The following STX12 variants were observed in gnomAD, a reference collection of about 807,000 sequenced individuals.
STX12 encodes the protein syntaxin-12.
A neutral mutation model predicts 42.2 loss-of-function variants in STX12; 17 were observed. That is an observed-to-expected ratio of 0.40 (90% CI 0.28 to 0.60). STX12 has a LOEUF of 0.60. STX12 is among the 20% of genes least tolerant of loss of function. The probability of loss-of-function intolerance (pLI) is 0.39; values close to 1 mark genes in which losing one functional copy is unlikely to be tolerated. For synonymous variants in STX12, 108 were observed against 116.7 expected (o/e 0.93, Z 0.48); for missense variants, 297 against 330.9 (o/e 0.90, Z 0.79).
chr1:27,774,616 C>T (rs2088616401), intron 1 of STX12, among the ~76,000 whole-genome samples: 1 of 152,178 alleles, frequency 6.6e-6, no homozygotes, highest in South Asian at 2.1e-4. Flanking sequence ...ACTTTAGCCT[C>T]CCAAAGTGCT....
Position 27,793,584 on chromosome 1 carries a change from G to A in STX12, c.240G>A (p.Leu80=). The A allele has an allele frequency of 6.2e-7, 1 of 1,614,092 alleles. No individual in the cohort carries two copies. Among genetic ancestry groups the A allele is most frequent in the Non-Finnish European group, 8.5e-7 (1 of 1,179,998 alleles). The change falls in exon 3 of 9, where the codon TTG becomes TTA. Residue 80 remains leucine (L), a synonymous_variant. Transcript: ENST00000373943. The stretch of plus-strand genomic sequence containing the variant: ...AGCTCGCCAAGGAAACAAATGAATT[G>A]CTGAAAGAATTAGGGTCCTTGCCCC... ...TNQLAKETNE[L]LKELGSLPLP...
At chr1:27,804,812 A>G (rs2088852025) in intron 4 of STX12, among the ~76,000 whole-genome samples, 1 of 147,286 alleles carries the variant, frequency 6.8e-6, no homozygotes, top group South Asian at 2.1e-4. Flanking sequence ...CTCCATCTCA[A>G]AAAAAAAAAA....
chr1:27,786,921 T>C (rs2088702770), intron 1 of STX12, among the ~76,000 whole-genome samples: 1 of 152,190 alleles, frequency 6.6e-6, no homozygotes, highest in Non-Finnish European at 1.5e-5. Context: ...ATACCACATG[T>C]TAGTGATGAA....
At chr1:27,774,210 T>C (rs2235191) in intron 1 of STX12, among the ~76,000 whole-genome samples, 23,852 of 152,056 alleles carry the variant, frequency 0.16, 4,862 homozygotes, top group African/African-American at 0.47. Context: ...TAAGGCATGG[T>C]AGAGTTGTTG....
intron 7 of STX12, among the ~76,000 whole-genome samples, chr1:27,818,791 G>A (rs1441844165): frequency 6.6e-6 from 1 of 151,874 alleles, no homozygotes; most frequent in Non-Finnish European, 1.5e-5. Flanking sequence ...CACCACGCCC[G>A]CTAATTTTGT....
At chr1:27,813,505 GTT>G (rs1469801422) in intron 6 of STX12, among the ~76,000 whole-genome samples, 2 of 152,142 alleles carry the variant, frequency 1.3e-5, no homozygotes, top group African/African-American at 4.8e-5. Context: ...GTTTTCTCCA[GTT>G]TAGTTTTCTC....
At chr1:27,785,519 G>A (rs2148598301) in intron 1 of STX12, among the ~76,000 whole-genome samples, 1 of 152,228 alleles carries the variant, frequency 6.6e-6, no homozygotes, top group East Asian at 1.9e-4. Context: ...TTCTTACATA[G>A]TTGTAAGGAT....
rs553594655 is a variant in STX12, at chr1:27,823,235, C to A, written c.*906C>A. ...GAATGTTGCTGTCAAAGGGCTGCCC[C>A]CTACCTTATAAGGGTTGCTGGGCAT... On this transcript the variant is annotated 3_prime_UTR_variant, in exon 9 of 9. Transcript: ENST00000373943. The A allele has an allele frequency of 4.6e-5, 7 of 152,252 alleles. No homozygotes were observed. The South Asian group carries it at 1.2e-3, about 27-fold the overall frequency. The allele number at this position is 152,252 out of a possible 1,614,324, so 9.4% of individuals were successfully genotyped here.
intron 1 of STX12, among the ~76,000 whole-genome samples, chr1:27,786,542 T>C (rs1439903296): frequency 1.3e-5 from 2 of 152,224 alleles, no homozygotes; most frequent in Non-Finnish European, 2.9e-5. Flanking sequence ...TTTCTCTTTA[T>C]ACCATTTTTC....
intron 3 of STX12, among the ~76,000 whole-genome samples, chr1:27,799,309 T>G (rs2088810281): frequency 6.6e-6 from 1 of 152,208 alleles, no homozygotes; most frequent in African/African-American, 2.4e-5. Context: ...GAATTAGTGT[T>G]CTGTTTGACT....
At chr1:27,804,770 C>T (rs975943091) in intron 4 of STX12, among the ~76,000 whole-genome samples, 3 of 151,088 alleles carry the variant, frequency 2.0e-5, no homozygotes, top group Non-Finnish European at 2.9e-5. Flanking sequence ...GAGACCGCAC[C>T]GCTGCACTCC....
At chr1:27,817,247 G>A (rs1048991862) in intron 6 of STX12, among the ~76,000 whole-genome samples, 3 of 152,212 alleles carry the variant, frequency 2.0e-5, no homozygotes, top group Non-Finnish European at 4.4e-5. Context: ...GATCAGAGCA[G>A]TAAATAGGTT....
Position 27,804,604 on chromosome 1 carries a change from G to T in STX12, c.426+2789G>T, listed in dbSNP as rs143217000. On this transcript the variant is annotated intron_variant, in intron 4 of 8. Coordinates refer to ENST00000373943, the MANE Select transcript of STX12 (RefSeq NM_177424.3). ...AGGCGGGCAGATCACAGGGTCAGGA[G>T]TTCAAGACCAGCCTGGCCAACATGG... Among the ~76,000 whole-genome samples, 273 of 152,100 alleles carry T rather than the reference G, an allele frequency of 1.8e-3. 1 individual carries two copies. The highest frequency in any genetic ancestry group is 6.4e-3 in the African/African-American group (266 of 41,474).
intron 4 of STX12, among the ~76,000 whole-genome samples, chr1:27,806,542 G>A (rs1362346730): frequency 6.6e-6 from 1 of 152,160 alleles, no homozygotes; most frequent in Non-Finnish European, 1.5e-5. Flanking sequence ...TATGTATTGA[G>A]GGGTCAAGGT....
intron 6 of STX12, among the ~76,000 whole-genome samples, chr1:27,816,581 G>A (rs931157337): frequency 1.2e-4 from 18 of 146,214 alleles, no homozygotes; most frequent in Admixed American, 2.0e-4. Context: ...CGAGGCAGGC[G>A]GATCAGGAAG....
At chr1:27,810,356 T>G in intron 5 of STX12, 67 bp downstream of exon 5, 1 of 1,444,718 alleles carries the variant, frequency 6.9e-7, no homozygotes. Context: ...ATATTTTAAT[T>G]TTAAAAATCA....
At chr1:27,809,120 G>A (rs1436642240) in intron 4 of STX12, among the ~76,000 whole-genome samples, 3 of 152,132 alleles carry the variant, frequency 2.0e-5, no homozygotes, top group Admixed American at 2.0e-4. Flanking sequence ...CGGATCACGA[G>A]GTCAGGAGTT....
intron 6 of STX12, among the ~76,000 whole-genome samples, chr1:27,814,234 C>CTT (rs1399050756): frequency 2.0e-5 from 3 of 152,152 alleles, no homozygotes; most frequent in Non-Finnish European, 4.4e-5. Context: ...AATTAATTGT[C>CTT]TAACATTAGA....
chr1:27,798,780 C>CAAAAAA (rs61253983), intron 3 of STX12, among the ~76,000 whole-genome samples: 1 of 54,522 alleles, frequency 1.8e-5, no homozygotes, highest in African/African-American at 6.3e-5. Flanking sequence ...GACTCCGTCT[C>CAAAAAA]AAAAAAAAAA....
Sources: gnomAD v4.1 joint callset for allele counts (sites outside exome capture counted in the v4.1 genomes callset) on GRCh38, gnomAD v4.1.1 for gene constraint, MANE v1.5 for transcripts, NCBI Gene and HGNC (gene_info 2026-07-23, HGNC 2026-07-21) for gene names.